Variants in C17orf67 observed in about 807,000 individuals in gnomAD.
C17orf67 encodes uncharacterized protein C17orf67.
C17orf67 carries 12 observed loss-of-function variants against 11.2 expected under a neutral mutation model. That is an observed-to-expected ratio of 1.07 (90% CI 0.68 to 1.73). C17orf67 has a LOEUF of 1.73. C17orf67 is among the 40% of genes most tolerant of loss of function. The probability of loss-of-function intolerance (pLI) is 0.00; values close to 1 mark genes in which losing one functional copy is unlikely to be tolerated. For synonymous variants in C17orf67, 59 were observed against 46.9 expected, an observed-to-expected ratio of 1.26 and a Z score of -1.05; for missense variants, 115 against 113.5, an observed-to-expected ratio of 1.01 and a Z score of -0.06.
chr17:56,828,094 CAA>C (rs1449732684), intron 2 of C17orf67, among the ~76,000 whole-genome samples: 1 of 116,234 alleles, frequency 8.6e-6, no homozygotes, highest in Non-Finnish European at 1.7e-5. Flanking sequence ...GGCGACAGAA[CAA>C]GACTCAGTCT....
chr17:56,816,894 G>A (rs1905773893), intron 4 of C17orf67, among the ~76,000 whole-genome samples: 1 of 152,144 alleles, frequency 6.6e-6, no homozygotes, highest in Non-Finnish European at 1.5e-5. Flanking sequence ...CTCACTCTGG[G>A]TCTCACTTCA....
intron 4 of C17orf67, among the ~76,000 whole-genome samples, chr17:56,816,247 A>C (rs561783105): frequency 4.6e-5 from 7 of 152,196 alleles, no homozygotes; most frequent in Non-Finnish European, 1.0e-4. Flanking sequence ...TGATCTTCCC[A>C]ATAATCTCAG....
chr17:56,826,331 T>C (rs1238337979), intron 2 of C17orf67, among the ~76,000 whole-genome samples: 2 of 152,336 alleles, frequency 1.3e-5, no homozygotes, highest in African/African-American at 4.8e-5. Context: ...CAGCTAGGAT[T>C]CATAAAAGAC....
intron 2 of C17orf67, among the ~76,000 whole-genome samples, chr17:56,829,286 AAAT>A (rs1906127518): frequency 6.6e-6 from 1 of 152,164 alleles, no homozygotes; most frequent in Admixed American, 6.5e-5. Context: ...CAAAAAAATA[AAAT>A]AAAATAAAAA....
Position 56,833,056 on chromosome 17 carries a change from CT to C in C17orf67, c.-716del, listed in dbSNP as rs954558034. 5.3e-5 allele frequency: 8 copies of C among 152,330 alleles called. No individual in the cohort carries two copies. Among genetic ancestry groups the C allele is most frequent in the African/African-American group, 1.7e-4 (7 of 41,572 alleles). 9.4% of individuals were successfully genotyped at this position (152,330 alleles called of 1,614,324 possible). A position where few individuals can be genotyped will look rare whatever the true frequency, so the allele number is the denominator to read the frequency against. On this transcript the variant is annotated 5_prime_UTR_variant, in exon 2 of 8. Coordinates refer to ENST00000397861, the MANE Select transcript of C17orf67 (RefSeq NM_001085430.4). The stretch of plus-strand genomic sequence containing the variant: ...GCTTCGGTGTGTGTTTTCTTTCCAT[CT>C]TTTATGCTAGAGGAAGTCCGCAAGC...
At chr17:56,831,617 G>A (rs993920058) in intron 2 of C17orf67, among the ~76,000 whole-genome samples, 1 of 152,138 alleles carries the variant, frequency 6.6e-6, no homozygotes, top group Non-Finnish European at 1.5e-5. Context: ...GAGTCTGCTA[G>A]TGACCAGAAC....
At chr17:56,801,832 G>A (rs1777955159) in intron 6 of C17orf67, among the ~76,000 whole-genome samples, 1 of 152,190 alleles carries the variant, frequency 6.6e-6, no homozygotes, top group African/African-American at 2.4e-5. Flanking sequence ...CAAGTTCCCA[G>A]CATATAACTT....
intron 2 of C17orf67, among the ~76,000 whole-genome samples, chr17:56,830,880 G>A (rs2144157647): frequency 6.6e-6 from 1 of 152,296 alleles, no homozygotes; most frequent in East Asian, 1.9e-4. Context: ...GGGAGCACCT[G>A]GGCAACGAAG....
At position 56,815,004 on chromosome 17, in the gene C17orf67, A is replaced by G. The variant is rs567970971; in HGVS notation, c.56-35T>C. ...TCGGGAAGGTGCCTTAAGGACACTC[A>G]GGCTCAGGAGTTCATGAGCCATCTC... On this transcript the variant is annotated intron_variant, in intron 5 of 7. Coordinates refer to ENST00000397861, the MANE Select transcript of C17orf67 (RefSeq NM_001085430.4). 1.1e-5 allele frequency: 17 copies of G among 1,551,250 alleles called. No homozygotes were observed. The South Asian group carries it at 1.9e-4, about 17-fold the overall frequency.
At position 56,792,148 on chromosome 17, in the gene C17orf67, C is replaced by T. The variant is rs1387514987; in HGVS notation, c.*225G>A. On this transcript the variant is annotated 3_prime_UTR_variant, in exon 8 of 8. Transcript: ENST00000397861. Reference sequence around the variant, plus strand: ...TGATGGGAAGACCTTTGGGAGGTGTCTATGCTTTAAGCTATTGGTTTTAGT... The same window carrying T: ...TGATGGGAAGACCTTTGGGAGGTGTTTATGCTTTAAGCTATTGGTTTTAGT... The T allele has an allele frequency of 6.6e-6, 1 of 152,102 alleles. No individual in the cohort carries two copies. Among genetic ancestry groups the T allele is most frequent in the Non-Finnish European group, 1.5e-5 (1 of 68,046 alleles). 9.4% of individuals were successfully genotyped at this position (152,102 alleles called of 1,614,324 possible). A position where few individuals can be genotyped will look rare whatever the true frequency, so the allele number is the denominator to read the frequency against.
At chr17:56,792,907 T>C (rs1403875561) in intron 7 of C17orf67, among the ~76,000 whole-genome samples, 7 of 67,834 alleles carry the variant, frequency 1.0e-4, no homozygotes, top group Admixed American at 1.5e-4. Context: ...GTGGGGGTGA[T>C]GGTGGTGGTG....
rs553631347 is a variant in C17orf67 at position 56,831,199 on chromosome 17, G to T, written c.-557+1699C>A. ...GAATGGTGACAGCTGGACCAGGGGA[G>T]TAGTGGAGGGGGGGATGGAGAGATG... On this transcript the variant is annotated intron_variant, in intron 2 of 7. Transcript: ENST00000397861. 1.0e-3 allele frequency among the ~76,000 whole-genome samples: 153 copies of T among 152,252 alleles called. 1 individual carries two copies. The highest frequency in any genetic ancestry group is 1.7e-3 in the Admixed American group (26 of 15,298).
At chr17:56,822,666 CTAAAGATAGATTAAT>C (rs1297185453) in intron 4 of C17orf67, among the ~76,000 whole-genome samples, 1 of 152,100 alleles carries the variant, frequency 6.6e-6, no homozygotes, top group Non-Finnish European at 1.5e-5. Context: ...TTTTGAATGA[CTAAAGATAGATTAAT>C]CACACGTATT....
chr17:56,813,265 C>T (rs576685898), intron 6 of C17orf67, among the ~76,000 whole-genome samples: 35 of 152,200 alleles, frequency 2.3e-4, no homozygotes, highest in African/African-American at 8.2e-4. Context: ...ATCCTCCTCC[C>T]CATCACAGTT....
intron 4 of C17orf67, among the ~76,000 whole-genome samples, chr17:56,819,471 T>C (rs1416541063): frequency 6.6e-6 from 1 of 152,196 alleles, no homozygotes; most frequent in Admixed American, 6.5e-5. Context: ...TTAAGCAAGC[T>C]TGTATTATTT....
intron 6 of C17orf67, among the ~76,000 whole-genome samples, chr17:56,795,970 C>G (rs1905206415): frequency 6.6e-6 from 1 of 152,128 alleles, no homozygotes; most frequent in Non-Finnish European, 1.5e-5. Flanking sequence ...TAATATATTA[C>G]TTATGGCTAT....
chr17:56,809,623 A>G (rs1039951482), intron 6 of C17orf67, among the ~76,000 whole-genome samples: 1 of 114,908 alleles, frequency 8.7e-6, no homozygotes, highest in Non-Finnish European at 1.8e-5. Flanking sequence ...GCGCACACAC[A>G]CCCACACACA....
At chr17:56,829,279 A>T (rs1162201272) in intron 2 of C17orf67, among the ~76,000 whole-genome samples, 3 of 152,196 alleles carry the variant, frequency 2.0e-5, no homozygotes, top group Admixed American at 6.5e-5. Context: ...TCCATTGCAA[A>T]AAAATAAAAT....
chr17:56,828,882 T>C lies in C17orf67; in HGVS notation c.-556-3561A>G, dbSNP rs73325037. Among the ~76,000 whole-genome samples the C allele has an allele frequency of 2.8e-3, 415 of 148,608 alleles. 3 individuals are homozygous for C. The highest frequency in any genetic ancestry group is 0.01 in the African/African-American group (405 of 40,344). On this transcript the variant is annotated intron_variant, in intron 2 of 7. Transcript: ENST00000397861. ...AAAAAAAAAAAAAACACTGCAGAGA[T>C]TGAGGGATCCTTAGAGGATGTCGGT...
Sources: gnomAD v4.1 joint callset for allele counts (sites outside exome capture counted in the v4.1 genomes callset) on GRCh38, gnomAD v4.1.1 for gene constraint, MANE v1.5 for transcripts, NCBI Gene and HGNC (gene_info 2026-07-23, HGNC 2026-07-21) for gene names.